The following ERN1 variants were observed in gnomAD, a reference collection of about 807,000 sequenced individuals.
The protein encoded by ERN1 is serine/threonine-protein kinase/endoribonuclease IRE1.
A neutral mutation model predicts 113.1 loss-of-function variants in ERN1; 39 were observed. That is an observed-to-expected ratio of 0.34 (90% CI 0.27 to 0.45). The LOEUF (loss-of-function observed/expected upper bound fraction) is 0.45, where lower values mean the gene tolerates loss of function less well. ERN1 is among the 20% of genes least tolerant of loss of function. The pLI is 1.00. For missense variants in ERN1, 976 were observed against 1,274.8 expected, an observed-to-expected ratio of 0.77 and a Z score of 3.57; for synonymous variants, 507 against 515.9, an observed-to-expected ratio of 0.98 and a Z score of 0.23.
At chr17:64,045,743 C>A (rs927211000) in intron 19 of ERN1, among the ~76,000 whole-genome samples, 2 of 152,130 alleles carry the variant, frequency 1.3e-5, no homozygotes, top group South Asian at 2.1e-4. Context: ...CGAACGCATA[C>A]CCTGAATTTC....
intron 1 of ERN1, among the ~76,000 whole-genome samples, chr17:64,105,740 C>T (rs1487396128): frequency 2.0e-5 from 3 of 152,056 alleles, no homozygotes; most frequent in African/African-American, 7.2e-5. Context: ...CCAAGGTGGG[C>T]AGATCACCTG....
chr17:64,047,326 T>A (rs2143318746), intron 19 of ERN1, among the ~76,000 whole-genome samples: 1 of 152,292 alleles, frequency 6.6e-6, no homozygotes, highest in East Asian at 1.9e-4. Flanking sequence ...TGCACCACTG[T>A]ACTCCAGCCT....
Position 64,048,068 on chromosome 17 carries a change from CCT to C in ERN1, c.2402-85_2402-84del, listed in dbSNP as rs144108615. 534 of 1,204,462 alleles carry C rather than the reference CCT, an allele frequency of 4.4e-4. 3 individuals are homozygous for C. In the African/African-American group the frequency reaches 6.0e-3, roughly 13 times the overall value. The allele number at this position is 1,204,462 out of a possible 1,614,324, so 74.6% of individuals were successfully genotyped here. On this transcript the variant is annotated intron_variant, in intron 18 of 21. Transcript: ENST00000433197. ...CCAAAAACTTTAAAAAGCTGCACACCCTCTCATTTATGATTCTATTTACAGGA... is the reference window on the plus strand; with the variant it reads ...CCAAAAACTTTAAAAAGCTGCACACCCTCATTTATGATTCTATTTACAGGA...
chr17:64,087,003 GACAA>G (rs1013817708), intron 2 of ERN1, among the ~76,000 whole-genome samples: 2 of 152,088 alleles, frequency 1.3e-5, no homozygotes, highest in African/African-American at 2.4e-5. Flanking sequence ...ACAAAAAATT[GACAA>G]ACAGTTTGCA....
chr17:64,121,512 G>A (rs1914954110), intron 1 of ERN1, among the ~76,000 whole-genome samples: 2 of 152,124 alleles, frequency 1.3e-5, no homozygotes, highest in Admixed American at 1.3e-4. Context: ...TGTTGTTGTT[G>A]AGACGGAGTC....
chr17:64,068,371 A>T (rs992287638), intron 6 of ERN1, 80 bp from the exon 7 acceptor site: 11 of 967,176 alleles, frequency 1.1e-5, no homozygotes, highest in Non-Finnish European at 1.6e-5. Flanking sequence ...TCTAATTATA[A>T]CAAACAAATC....
intron 15 of ERN1, among the ~76,000 whole-genome samples, chr17:64,053,799 T>C (rs533991530): frequency 1.7e-4 from 26 of 152,286 alleles, no homozygotes; most frequent in African/African-American, 5.5e-4. Context: ...GCAAGCAGAC[T>C]GCCCAGGCAT....
rs1208142950 is a variant in ERN1, at chr17:64,044,525, G to A, written c.2722-325C>T. Among the ~76,000 whole-genome samples the A allele has an allele frequency of 6.6e-6, 1 of 152,166 alleles. No individual in the cohort carries two copies. The highest frequency in any genetic ancestry group is 1.5e-5 in the Non-Finnish European group (1 of 68,028). ...GAGATTGGAGTGTCCGTCCCAGTGG[G>A]GTCCCCGCATTTGAGGTATGTTTAT... is the stretch of plus-strand genomic sequence containing the variant. On this transcript the variant is annotated intron_variant, in intron 21 of 21. Transcript: ENST00000433197. The surrounding 1 kb of genome is among the most constrained non-coding windows in gnomAD (Gnocchi z 4.1).
intron 1 of ERN1, among the ~76,000 whole-genome samples, chr17:64,113,633 T>A (rs1914729216): frequency 6.7e-6 from 1 of 148,480 alleles, no homozygotes; most frequent in African/African-American, 2.5e-5. Flanking sequence ...CCTCAGCCTC[T>A]GGAGTAGCTG....
At chr17:64,114,336 A>T (rs899219002) in intron 1 of ERN1, among the ~76,000 whole-genome samples, 5 of 152,234 alleles carry the variant, frequency 3.3e-5, no homozygotes, top group Non-Finnish European at 7.3e-5. Flanking sequence ...AAAGGGACAT[A>T]CTGGAAACTG....
intron 2 of ERN1, among the ~76,000 whole-genome samples, chr17:64,082,955 T>C (rs1486128853): frequency 6.6e-6 from 1 of 152,190 alleles, no homozygotes; most frequent in Non-Finnish European, 1.5e-5. Context: ...GGAATAAGCC[T>C]CTTCAAAGCT....
Position 64,057,804 on chromosome 17 carries a change from G to C in ERN1, c.1396C>G (p.Leu466Val). 6.2e-7 allele frequency: 1 copy of C among 1,613,306 alleles called. No individual in the cohort carries two copies. Among genetic ancestry groups the C allele is most frequent in the Non-Finnish European group, 8.5e-7 (1 of 1,179,666 alleles). ...AAAGGGGAATTGTTGAGCTTTACCAGGGGATAGGTGATGATGAAGGCCACC... is the reference window on the plus strand; with the variant it reads ...AAAGGGGAATTGTTGAGCTTTACCACGGGATAGGTGATGATGAAGGCCACC... ...GWVAFIITYPLSMHQQQQLQH... is the reference protein window; with the variant it reads ...GWVAFIITYPVSMHQQQQLQH... Residue 466 changes from leucine (L) to valine (V), a missense_variant and splice_region_variant, in exon 12 of 22, where the codon CTG becomes GTG. Leu to Val is a conservative substitution (Grantham distance 32). Transcript: ENST00000433197.
chr17:64,057,075 A>G (rs546242043), intron 12 of ERN1, among the ~76,000 whole-genome samples: 117 of 152,240 alleles, frequency 7.7e-4, no homozygotes, highest in African/African-American at 2.7e-3. Context: ...GGATGGCCAC[A>G]CTGCCTTTTT....
Position 64,098,505 on chromosome 17 carries a change from A to G in ERN1, c.55-264T>C, listed in dbSNP as rs370020349. ...AGAATTCTGAAATAATCCATGGGCA[A>G]CCTCCACTGAAACAGAGGGGCAAAG... On this transcript the variant is annotated intron_variant, in intron 1 of 21. Coordinates refer to ENST00000433197, the MANE Select transcript of ERN1 (RefSeq NM_001433.5). The G allele has an allele frequency of 6.6e-5, 43 of 653,612 alleles. 1 individual carries two copies. Among genetic ancestry groups the G allele is most frequent in the Middle Eastern group, 5.1e-4 (2 of 3,884 alleles). The allele number at this position is 653,612 out of a possible 1,614,324, so 40.5% of individuals were successfully genotyped here.
At chr17:64,050,805 G>A (rs1328960684) in intron 17 of ERN1, among the ~76,000 whole-genome samples, 1 of 152,174 alleles carries the variant, frequency 6.6e-6, no homozygotes, top group East Asian at 1.9e-4. Flanking sequence ...GTGTTACGGC[G>A]TGCGTGCGTG....
intron 1 of ERN1, chr17:64,102,666 T>C (rs148903398): frequency 0.011 from 10,380 of 985,402 alleles, 67 homozygotes; most frequent in Admixed American, 0.017. Flanking sequence ...CTGAGAACTA[T>C]TTGTACCTGA....
intron 5 of ERN1, among the ~76,000 whole-genome samples, chr17:64,074,230 G>T (rs1913518665): frequency 6.6e-6 from 1 of 152,116 alleles, no homozygotes; most frequent in Non-Finnish European, 1.5e-5. Flanking sequence ...TAATGAACTC[G>T]CCTAAGAGGC....
chr17:64,128,778 CTTTA>C (rs1278201872), intron 1 of ERN1: 1 of 151,794 alleles, frequency 6.6e-6, no homozygotes, highest in Non-Finnish European at 1.5e-5. Flanking sequence ...ACAAATTTTC[CTTTA>C]TTTAAAAAAA....
At chr17:64,081,550 G>C (rs926600058) in intron 2 of ERN1, among the ~76,000 whole-genome samples, 2 of 152,106 alleles carry the variant, frequency 1.3e-5, no homozygotes, top group Non-Finnish European at 2.9e-5. Flanking sequence ...ATTATGTTCA[G>C]GAGAAAAGAT....
Sources: allele counts gnomAD v4.1 joint callset (sites outside exome capture counted in the v4.1 genomes callset), GRCh38; gene constraint gnomAD v4.1.1; non-coding constraint Gnocchi (gnomAD v3.1); transcripts MANE v1.5; gene names NCBI Gene and HGNC (gene_info 2026-07-23, HGNC 2026-07-21).